The following POLD3 variants were observed in gnomAD, a reference collection of about 807,000 sequenced individuals.
POLD3 encodes DNA polymerase delta 3, accessory subunit, also known as DNA polymerase delta subunit 3.
Under a neutral mutation model 58.2 loss-of-function variants are expected in POLD3, and 19 were observed. That is an observed-to-expected ratio of 0.33 (90% CI 0.23 to 0.48). The LOEUF (loss-of-function observed/expected upper bound fraction) is 0.48. Among genes scored for constraint, POLD3 ranks in the 20% least tolerant of loss-of-function variants. The pLI, the probability that POLD3 is intolerant of heterozygous loss-of-function variation, is 0.99. For synonymous variants in POLD3, 172 were observed against 193.5 expected (o/e 0.89, Z 0.92); for missense variants, 504 against 545.5 (o/e 0.92, Z 0.76).
At chr11:74,650,635 G>A (rs544610878) in intron 4 of POLD3, among the ~76,000 whole-genome samples, 1 of 152,302 alleles carries the variant, frequency 6.6e-6, no homozygotes, top group Non-Finnish European at 1.5e-5. Flanking sequence ...TGTTTTCTCT[G>A]TTCACCTCCT....
chr11:74,652,443 A>T (rs963147618), intron 4 of POLD3, among the ~76,000 whole-genome samples: 1 of 152,214 alleles, frequency 6.6e-6, no homozygotes, highest in Non-Finnish European at 1.5e-5. Context: ...TCAGTGCTTC[A>T]AGTAATAGAG....
chr11:74,639,303 G>A (rs184750812), intron 11 of POLD3, among the ~76,000 whole-genome samples: 1 of 152,212 alleles, frequency 6.6e-6, no homozygotes, highest in African/African-American at 2.4e-5. Context: ...TAGCAGAGTA[G>A]GTATTGGGAC....
intron 3 of POLD3, among the ~76,000 whole-genome samples, chr11:74,609,845 A>G (rs2031847533): frequency 6.6e-6 from 1 of 152,144 alleles, no homozygotes; most frequent in South Asian, 2.1e-4. Context: ...ATTAATTATT[A>G]CAGCCACATA....
At chr11:74,623,543 G>T (rs1053470488) in intron 7 of POLD3, among the ~76,000 whole-genome samples, 2 of 152,174 alleles carry the variant, frequency 1.3e-5, no homozygotes, top group African/African-American at 4.8e-5. Flanking sequence ...TGATGAAAAT[G>T]CTCTAAAATT....
At chr11:74,618,024 G>T (rs568608169) in intron 5 of POLD3, among the ~76,000 whole-genome samples, 113 of 152,260 alleles carry the variant, frequency 7.4e-4, no homozygotes, top group South Asian at 5.8e-3. Flanking sequence ...CAACCCTACA[G>T]CATGATTTAC....
At chr11:74,627,491 T>G (rs1169332642) in intron 8 of POLD3, among the ~76,000 whole-genome samples, 1 of 152,126 alleles carries the variant, frequency 6.6e-6, no homozygotes, top group Non-Finnish European at 1.5e-5. Context: ...ATAAATTTAG[T>G]GTTGCCTGAG....
Position 74,608,812 on chromosome 11 carries a change from G to A in POLD3, c.220-2687G>A, listed in dbSNP as rs543940382. ...GTCTGTAATTTTTATAATAAGCTCT[G>A]TAATTTTTAGTGTGCAGTTTTACGG... On this transcript the variant is annotated intron_variant, in intron 3 of 11. Coordinates refer to ENST00000263681, the MANE Select transcript of POLD3 (RefSeq NM_006591.3). 1.5e-4 allele frequency among the ~76,000 whole-genome samples: 23 copies of A among 152,228 alleles called. No individual in the cohort carries two copies. The South Asian group carries it at 4.8e-3, about 32-fold the overall frequency.
chr11:74,668,286 A>G (rs1591333316), intron 4 of POLD3, among the ~76,000 whole-genome samples: 1 of 152,358 alleles, frequency 6.6e-6, no homozygotes, highest in East Asian at 1.9e-4. Flanking sequence ...TGTTCATAGC[A>G]GCATCGTTCT....
chr11:74,623,665 C>G (rs1261335764), intron 7 of POLD3, among the ~76,000 whole-genome samples: 1 of 152,112 alleles, frequency 6.6e-6, no homozygotes, highest in East Asian at 1.9e-4. Context: ...TAATAAAATT[C>G]AGCATTGATG....
In POLD3 at chr11:74,640,693, C is replaced by G. The variant is rs2032889069; in HGVS notation, c.1328C>G (p.Pro443Arg). 1.2e-6 allele frequency: 2 copies of G among 1,613,010 alleles called. No individual in the cohort carries two copies. Among genetic ancestry groups the G allele is most frequent in the Non-Finnish European group, 1.7e-6 (2 of 1,179,510 alleles). Reference protein sequence around the residue: ...KKEPREERKGPKKGTAALGKA... With the variant: ...KKEPREERKGRKKGTAALGKA... ...GAACCCAGAGAGGAACGAAAGGGCCCCAAGAAAGGGACTGCTGCTCTGGGC... is the reference window on the plus strand; with the variant it reads ...GAACCCAGAGAGGAACGAAAGGGCCGCAAGAAAGGGACTGCTGCTCTGGGC... The change falls in exon 12 of 12, where the codon CCC (proline) becomes CGC (arginine). Residue 443 changes from proline (P) to arginine (R), a missense_variant. Physicochemically the swap from Pro to Arg is moderately radical, Grantham distance 103. Transcript: ENST00000263681.
chr11:74,646,530 A>C (rs1362530707), downstream of POLD3, among the ~76,000 whole-genome samples: 1 of 152,234 alleles, frequency 6.6e-6, no homozygotes, highest in Non-Finnish European at 1.5e-5. Context: ...GACTAAAATT[A>C]AGTTTTCTGA....
At chr11:74,621,746 G>T (rs932076509) in intron 7 of POLD3, among the ~76,000 whole-genome samples, 2 of 152,108 alleles carry the variant, frequency 1.3e-5, no homozygotes, top group African/African-American at 4.8e-5. Flanking sequence ...GCCAGGCATG[G>T]TGGTACGTGC....
At chr11:74,623,566 T>C (rs1224158010) in intron 7 of POLD3, among the ~76,000 whole-genome samples, 2 of 152,176 alleles carry the variant, frequency 1.3e-5, no homozygotes, top group Admixed American at 6.5e-5. Flanking sequence ...ACAGTGATGG[T>C]GGATATACAA....
intron 9 of POLD3, among the ~76,000 whole-genome samples, chr11:74,632,875 A>ATTACACACACACACAC (rs1157307914): frequency 7.6e-4 from 45 of 59,254 alleles, no homozygotes; most frequent in African/African-American, 5.5e-3. Context: ...TATTTAAGTA[A>ATTACACACACACACAC]ATACACACAC....
At chr11:74,655,802 C>A (rs112264529) in intron 4 of POLD3, among the ~76,000 whole-genome samples, 3 of 152,230 alleles carry the variant, frequency 2.0e-5, no homozygotes, top group African/African-American at 7.2e-5. Flanking sequence ...GGGAACAAGG[C>A]AGGGATGTCT....
intron 4 of POLD3, among the ~76,000 whole-genome samples, chr11:74,662,359 C>A (rs1463532953): frequency 1.3e-5 from 2 of 150,598 alleles, no homozygotes; most frequent in African/African-American, 4.9e-5. Context: ...GTTATTGCTG[C>A]TCATTATTCA....
chr11:74,620,866 T>G (rs2032228922), intron 7 of POLD3, among the ~76,000 whole-genome samples: 1 of 152,102 alleles, frequency 6.6e-6, no homozygotes, highest in Non-Finnish European at 1.5e-5. Flanking sequence ...GCAAAATTAG[T>G]TAGAATTCTG....
intron 3 of POLD3, among the ~76,000 whole-genome samples, chr11:74,609,345 GATATATATAT>G (rs1227959905): frequency 2.1e-3 from 91 of 42,636 alleles, no homozygotes; most frequent in East Asian, 3.5e-3. Context: ...CATTGTTTTT[GATATATATAT>G]ATATATATAT....
chr11:74,649,069 G>A (rs758469805), intron 4 of POLD3, among the ~76,000 whole-genome samples: 19 of 152,096 alleles, frequency 1.2e-4, no homozygotes, highest in Non-Finnish European at 2.2e-4. Flanking sequence ...CCATGGAGAT[G>A]GGATTGGTTC....
Sources: gnomAD v4.1 joint callset for allele counts (sites outside exome capture counted in the v4.1 genomes callset) on GRCh38, gnomAD v4.1.1 for gene constraint, MANE v1.5 for transcripts, NCBI Gene and HGNC (gene_info 2026-07-23, HGNC 2026-07-21) for gene names.